The following BST1 variants were observed in gnomAD, a reference collection of about 807,000 sequenced individuals.
BST1 encodes the protein bone marrow stromal cell antigen 1.
A neutral mutation model predicts 40.6 loss-of-function variants in BST1; 49 were observed. The observed-to-expected ratio is 1.21, with a 90% CI of 0.96 to 1.53. BST1 has a LOEUF of 1.53. Ranked by LOEUF, BST1 falls within the 40% of genes most tolerant of loss-of-function variation. The pLI, the probability that BST1 is intolerant of heterozygous loss-of-function variation, is 0.00. For synonymous variants in BST1, 157 were observed against 159.3 expected (o/e 0.99, Z 0.11); for missense variants, 423 against 395.9 (o/e 1.07, Z -0.58).
chr4:15,715,888 T>G, intron 6 of BST1, 89 bp downstream of exon 6: 5 of 997,598 alleles, frequency 5.0e-6, no homozygotes. Flanking sequence ...ATTTTCAGTT[T>G]AGGGGAAATG....
At chr4:15,715,890 G>A in intron 6 of BST1, 91 bp downstream of exon 6, 1 of 987,710 alleles carries the variant, frequency 1.0e-6, no homozygotes, top group Admixed American at 3.2e-5. Context: ...TTTCAGTTTA[G>A]GGGAAATGAC....
At chr4:15,716,801 G>A (rs186285269) in intron 6 of BST1, among the ~76,000 whole-genome samples, 5 of 152,116 alleles carry the variant, frequency 3.3e-5, no homozygotes, top group Non-Finnish European at 5.9e-5. Context: ...TTGTTTTAAT[G>A]TATCTATCTT....
intron 8 of BST1, among the ~76,000 whole-genome samples, chr4:15,724,484 C>T (rs1244584273): frequency 1.3e-5 from 2 of 151,994 alleles, no homozygotes; most frequent in East Asian, 1.9e-4. Context: ...GTCAGGAGTT[C>T]AAGACCTGCC....
chr4:15,750,227 G>C, the BST1 span, among the ~76,000 whole-genome samples: 3 of 151,986 alleles, frequency 2.0e-5, no homozygotes, highest in East Asian at 5.8e-4. Flanking sequence ...GTTTCACTCT[G>C]TTGTCCAGGC....
chr4:15,728,906 A>C (rs546595768), intron 8 of BST1, among the ~76,000 whole-genome samples: 1 of 152,184 alleles, frequency 6.6e-6, no homozygotes, highest in Non-Finnish European at 1.5e-5. Flanking sequence ...TTGGCCTCCC[A>C]AAGTGCTGGG....
At chr4:15,714,266 A>G (rs763782211) in intron 4 of BST1, among the ~76,000 whole-genome samples, 4 of 152,100 alleles carry the variant, frequency 2.6e-5, no homozygotes, top group Non-Finnish European at 4.4e-5. Context: ...CCAGCCACCT[A>G]TACGTCAGTG....
rs114973579 is a variant in BST1, at chr4:15,707,336, T to C, written c.316-175T>C. Among the ~76,000 whole-genome samples, 481 of 152,280 alleles carry C rather than the reference T, an allele frequency of 3.2e-3. 1 individual carries two copies. Among genetic ancestry groups the C allele is most frequent in the Middle Eastern group, 0.01 (3 of 294 alleles). On this transcript the variant is annotated intron_variant, in intron 2 of 8. Coordinates refer to ENST00000265016, the MANE Select transcript of BST1 (RefSeq NM_004334.3). ...ACCCTGGGAATAAAGGGAGGAGAGA[T>C]GCTAGCAGTCTTTGAATGAATAAAT... is the stretch of plus-strand genomic sequence containing the variant.
intron 8 of BST1, chr4:15,723,796 A>G: frequency 4.9e-6 from 1 of 205,884 alleles, no homozygotes; most frequent in Non-Finnish European, 8.5e-6. Context: ...CTGTGCCAGC[A>G]TACACTTCCA....
At chr4:15,707,895 A>G (rs1560277685) in intron 3 of BST1, among the ~76,000 whole-genome samples, 1 of 150,072 alleles carries the variant, frequency 6.7e-6, no homozygotes, top group South Asian at 2.1e-4. Context: ...ATACACATAT[A>G]TATACATATC....
At chr4:15,725,893 T>C (rs78432668) in intron 8 of BST1, among the ~76,000 whole-genome samples, 4,528 of 151,824 alleles carry the variant, frequency 0.03, 233 homozygotes, top group East Asian at 0.26. Context: ...TGACTGCATT[T>C]TTTTTCTTTT....
At chr4:15,720,591 C>T (rs1489321142) in intron 7 of BST1, among the ~76,000 whole-genome samples, 7 of 145,266 alleles carry the variant, frequency 4.8e-5, no homozygotes, top group Non-Finnish European at 9.0e-5. Context: ...AAGAGCAAGA[C>T]TCTGTCTCAA....
intron 8 of BST1, among the ~76,000 whole-genome samples, chr4:15,730,082 A>T (rs1426415793): frequency 6.6e-6 from 1 of 152,232 alleles, no homozygotes; most frequent in Non-Finnish European, 1.5e-5. Context: ...TAACTGCATC[A>T]CAGGTGCAAT....
At chr4:15,713,601 C>T (rs1168368646) in intron 4 of BST1, among the ~76,000 whole-genome samples, 1 of 152,144 alleles carries the variant, frequency 6.6e-6, no homozygotes, top group Non-Finnish European at 1.5e-5. Flanking sequence ...ATGGAACTGA[C>T]AAGTAGGGGA....
At chr4:15,705,986 G>A (rs1719861934) in intron 2 of BST1, among the ~76,000 whole-genome samples, 1 of 152,204 alleles carries the variant, frequency 6.6e-6, no homozygotes, top group African/African-American at 2.4e-5. Flanking sequence ...GTGGGAGCAG[G>A]TGTCTTACAT....
chr4:15,760,892 C>T, the BST1 span, among the ~76,000 whole-genome samples: 9 of 150,274 alleles, frequency 6.0e-5, no homozygotes, highest in South Asian at 1.9e-3. Context: ...GATGGGGTTT[C>T]ACCATGTTGC....
At chr4:15,744,808 G>GAA in the BST1 span, among the ~76,000 whole-genome samples, 1 of 152,154 alleles carries the variant, frequency 6.6e-6, no homozygotes, top group Non-Finnish European at 1.5e-5. Context: ...ATCTAAATTT[G>GAA]AAAATCGTGT....
the BST1 span, among the ~76,000 whole-genome samples, chr4:15,749,447 T>C: frequency 2.0e-5 from 3 of 152,226 alleles, no homozygotes; most frequent in East Asian, 3.8e-4. Context: ...TAGGATCCTT[T>C]CAATTTTGCC....
downstream of BST1, among the ~76,000 whole-genome samples, chr4:15,734,407 T>C (rs1236929432): frequency 1.3e-5 from 2 of 152,098 alleles, no homozygotes; most frequent in Non-Finnish European, 2.9e-5. Context: ...GTGTAAGAGA[T>C]AAAATATAAA....
chr4:15,750,919 A>T, the BST1 span, among the ~76,000 whole-genome samples: 2,151 of 152,308 alleles, frequency 0.014, 60 homozygotes, highest in African/African-American at 0.049. Flanking sequence ...GGTGGTCCAC[A>T]ATGAATGGTG....
Sources: allele counts gnomAD v4.1 joint callset (sites outside exome capture counted in the v4.1 genomes callset), GRCh38; gene constraint gnomAD v4.1.1; transcripts MANE v1.5; gene names NCBI Gene and HGNC (gene_info 2026-07-23, HGNC 2026-07-21).